PXDNL: variants seen among roughly 807,000 people sequenced by gnomAD.
PXDNL encodes the protein probable oxidoreductase PXDNL.
Under a neutral mutation model 150.8 loss-of-function variants are expected in PXDNL, and 145 were observed. The ratio of observed to expected loss-of-function variants is 0.96; its 90% CI spans 0.84 to 1.10. PXDNL has a LOEUF of 1.10. PXDNL is among the 50% of genes least tolerant of loss of function. The probability of loss-of-function intolerance (pLI) is 0.00; values close to 1 mark genes in which losing one functional copy is unlikely to be tolerated. For missense variants in PXDNL, 2,087 were observed against 1,873.9 expected, an observed-to-expected ratio of 1.11 and a Z score of -2.10; for synonymous variants, 757 against 725.7, an observed-to-expected ratio of 1.04 and a Z score of -0.69.
chr8:51,540,908 TG>T (rs1812200639), intron 4 of PXDNL, among the ~76,000 whole-genome samples: 1 of 152,160 alleles, frequency 6.6e-6, no homozygotes, highest in Non-Finnish European at 1.5e-5. Context: ...GACTGGATGA[TG>T]GAAACTGTGA....
At chr8:51,412,484 G>A (rs1042706465) in intron 15 of PXDNL, among the ~76,000 whole-genome samples, 7 of 152,260 alleles carry the variant, frequency 4.6e-5, no homozygotes, top group African/African-American at 1.4e-4. Context: ...AATCGGCTGC[G>A]TGGTTCTAGA....
intron 17 of PXDNL, among the ~76,000 whole-genome samples, chr8:51,402,653 A>G (rs1808292643): frequency 6.6e-6 from 1 of 152,242 alleles, no homozygotes; most frequent in Non-Finnish European, 1.5e-5. Context: ...TTTTCAAAAG[A>G]GGATTCAAAA....
intron 3 of PXDNL, among the ~76,000 whole-genome samples, chr8:51,558,946 TC>T (rs1189113219): frequency 6.6e-6 from 1 of 151,786 alleles, no homozygotes; most frequent in Admixed American, 6.6e-5. Context: ...CTCAAATTCT[TC>T]CCCCCAATGA....
intron 19 of PXDNL, among the ~76,000 whole-genome samples, chr8:51,368,037 A>C (rs1165702699): frequency 2.0e-5 from 3 of 152,298 alleles, no homozygotes; most frequent in African/African-American, 7.2e-5. Context: ...CTGAGGCAGG[A>C]GAATCATTTG....
At chr8:51,360,086 C>T (rs1806670505) in intron 19 of PXDNL, among the ~76,000 whole-genome samples, 1 of 150,446 alleles carries the variant, frequency 6.6e-6, no homozygotes, top group South Asian at 2.1e-4. Flanking sequence ...CAAGCATTTT[C>T]CACCTATATA....
chr8:51,336,023 G>C (rs760377643), intron 21 of PXDNL, among the ~76,000 whole-genome samples: 2 of 152,112 alleles, frequency 1.3e-5, no homozygotes, highest in Non-Finnish European at 2.9e-5. Flanking sequence ...TGTCAAGACA[G>C]ACCTTATGTT....
At chr8:51,780,446 T>C (rs1422168080) in intron 1 of PXDNL, among the ~76,000 whole-genome samples, 1 of 152,082 alleles carries the variant, frequency 6.6e-6, no homozygotes, top group African/African-American at 2.4e-5. Flanking sequence ...AGAAACACTG[T>C]TCTAGGAGAC....
intron 4 of PXDNL, among the ~76,000 whole-genome samples, chr8:51,512,111 G>A (rs573620182): frequency 6.6e-6 from 1 of 152,170 alleles, no homozygotes; most frequent in Non-Finnish European, 1.5e-5. Flanking sequence ...CAAGTGGGCA[G>A]GTGTGCACAA....
chr8:51,786,252 C>T (rs772200736), intron 1 of PXDNL, among the ~76,000 whole-genome samples: 6 of 151,930 alleles, frequency 3.9e-5, no homozygotes, highest in East Asian at 1.9e-4. Flanking sequence ...CTTGTTGCCC[C>T]GGCTGGAGTG....
chr8:51,331,389 A>C (rs1027897651), intron 21 of PXDNL, among the ~76,000 whole-genome samples: 1 of 152,142 alleles, frequency 6.6e-6, no homozygotes, highest in African/African-American at 2.4e-5. Flanking sequence ...ATCAGGAGAG[A>C]GGCTGGAGGA....
intron 1 of PXDNL, among the ~76,000 whole-genome samples, chr8:51,753,279 A>G (rs1385929162): frequency 2.6e-5 from 4 of 152,194 alleles, no homozygotes; most frequent in African/African-American, 7.2e-5. Flanking sequence ...TTGAATATGA[A>G]TCACTCATTT....
chr8:51,735,733 A>C (rs1175198086), intron 1 of PXDNL, among the ~76,000 whole-genome samples: 1 of 149,174 alleles, frequency 6.7e-6, no homozygotes, highest in Non-Finnish European at 1.5e-5. Context: ...TTTTTAGTAG[A>C]GACGGGGTTT....
intron 2 of PXDNL, among the ~76,000 whole-genome samples, chr8:51,610,204 A>G (rs561080292): frequency 1.4e-4 from 22 of 152,290 alleles, no homozygotes; most frequent in Non-Finnish European, 2.4e-4. Flanking sequence ...AGAGACACCC[A>G]TTTTAAGCAA....
At chr8:51,808,275 C>T (rs1438889590) in intron 1 of PXDNL, among the ~76,000 whole-genome samples, 2 of 152,154 alleles carry the variant, frequency 1.3e-5, no homozygotes, top group Admixed American at 6.5e-5. Context: ...ACACAACCCA[C>T]AAAATATTTA....
Position 51,622,670 on chromosome 8 carries a change from C to T in PXDNL, c.237-29972G>A, listed in dbSNP as rs551378823. Among the ~76,000 whole-genome samples, 8 of 152,242 alleles carry T rather than the reference C, an allele frequency of 5.3e-5. No individual in the cohort carries two copies. In the East Asian group the frequency reaches 7.7e-4, roughly 15 times the overall value. Reference sequence around the variant, plus strand: ...TGGTAGAAAATGCTCTGGATAAGGACGTAAGGGAAGCTGGTGCTCCTACCA... The same window carrying T: ...TGGTAGAAAATGCTCTGGATAAGGATGTAAGGGAAGCTGGTGCTCCTACCA... On this transcript the variant is annotated intron_variant, in intron 2 of 22. Transcript: ENST00000356297.
chr8:51,412,316 T>C (rs912905827), intron 15 of PXDNL, among the ~76,000 whole-genome samples: 1 of 152,196 alleles, frequency 6.6e-6, no homozygotes, highest in African/African-American at 2.4e-5. Flanking sequence ...TATTATCTTA[T>C]TTTTTCTTCC....
intron 4 of PXDNL, among the ~76,000 whole-genome samples, chr8:51,526,958 C>A (rs548969953): frequency 6.6e-6 from 1 of 152,320 alleles, no homozygotes; most frequent in Non-Finnish European, 1.5e-5. Context: ...TTCACCTGGT[C>A]AACCATGAGC....
At chr8:51,603,363 A>G (rs1813768350) in intron 2 of PXDNL, among the ~76,000 whole-genome samples, 1 of 151,730 alleles carries the variant, frequency 6.6e-6, no homozygotes, top group Non-Finnish European at 1.5e-5. Flanking sequence ...AACATCATTC[A>G]TTTTTCTGCT....
intron 7 of PXDNL, among the ~76,000 whole-genome samples, chr8:51,474,033 T>C (rs541445953): frequency 2.0e-5 from 3 of 152,222 alleles, no homozygotes; most frequent in Non-Finnish European, 4.4e-5. Context: ...ATGGGAGCTA[T>C]GGACAAGCTT....
Sources: gnomAD v4.1 joint callset for allele counts (sites outside exome capture counted in the v4.1 genomes callset) on GRCh38, gnomAD v4.1.1 for gene constraint, MANE v1.5 for transcripts, NCBI Gene and HGNC (gene_info 2026-07-23, HGNC 2026-07-21) for gene names.